The following TFB2M variants were observed in gnomAD, a reference collection of about 807,000 sequenced individuals.
TFB2M encodes dimethyladenosine transferase 2, mitochondrial.
TFB2M carries 44 observed loss-of-function variants against 41.3 expected under a neutral mutation model. The observed-to-expected ratio is 1.07, with a 90% CI of 0.84 to 1.37. The LOEUF is 1.37. Among genes scored for constraint, TFB2M ranks in the 40% most tolerant of loss-of-function variants. The pLI is 0.00. For synonymous variants in TFB2M, 188 were observed against 176.8 expected, an observed-to-expected ratio of 1.06 and a Z score of -0.50; for missense variants, 496 against 490.2, an observed-to-expected ratio of 1.01 and a Z score of -0.11.
intron 6 of TFB2M, among the ~76,000 whole-genome samples, chr1:246,545,775 GCACTC>G (rs1269231912): frequency 7.5e-6 from 1 of 134,112 alleles, no homozygotes; most frequent in Non-Finnish European, 1.5e-5. Context: ...TTACGCCATT[GCACTC>G]CAGCCCGGGT....
intron 2 of TFB2M, among the ~76,000 whole-genome samples, chr1:246,559,484 G>A (rs748097319): frequency 6.6e-6 from 1 of 152,160 alleles, no homozygotes; most frequent in Non-Finnish European, 1.5e-5. Context: ...AGGAGGCAGG[G>A]GTTGCAGAGA....
intron 2 of TFB2M, among the ~76,000 whole-genome samples, chr1:246,560,985 C>T (rs1659442151): frequency 6.6e-6 from 1 of 152,220 alleles, no homozygotes; most frequent in South Asian, 2.1e-4. Context: ...TGGTGGCGGT[C>T]ACCTGTAATC....
At chr1:246,548,513 A>T (rs1216870132) in intron 6 of TFB2M, 32 bp downstream of exon 6, 1 of 1,559,642 alleles carries the variant, frequency 6.4e-7, no homozygotes, top group Non-Finnish European at 8.7e-7. Flanking sequence ...TCACGTAGGG[A>T]GAAAAAGGAA....
chr1:246,546,985 T>TCACACACACACACACACACACACAC (rs1558509715), intron 6 of TFB2M, among the ~76,000 whole-genome samples: 3 of 64,568 alleles, frequency 4.6e-5, no homozygotes, highest in African/African-American at 2.8e-4. Context: ...ACACACACAT[T>TCACACACACACACACACACACACAC]TTTTTTTTTT....
chr1:246,541,075 A>C lies in TFB2M; in HGVS notation c.1147T>G (p.Cys383Gly), dbSNP rs762519417. 3.7e-6 allele frequency: 6 copies of C among 1,613,384 alleles called. No homozygotes were observed. The African/African-American group carries it at 5.3e-5, about 14-fold the overall frequency. The change falls in exon 8 of 8, where the codon TGT becomes GGT. Residue 383 changes from cysteine to glycine, a missense_variant. Cys to Gly is a radical substitution (Grantham distance 159, BLOSUM62 -3). Transcript: ENST00000366514. ...TCATCATACAGCCATTTATAAGCAC[A>C]ATCTTTGGAACGCTCTATAGTTTCA... ...LFETIERSKD[C>G]AYKWLYDETL...
rs1298493905 is a variant in TFB2M at position 246,541,129 on chromosome 1, T to C, written c.1093A>G (p.Met365Val). ...AGTGTTTTGAAGTCTTGAGGGTGCA[T>C]GTTAACTACTTTCTCATCCTCCTGT... Reference protein sequence around the residue: ...GKQEDEKVVNMHPQDFKTLFE... With the variant: ...GKQEDEKVVNVHPQDFKTLFE... Residue 365 changes from methionine to valine, a missense_variant, in exon 8 of 8, where the codon ATG becomes GTG. By Grantham distance (21) the Met-to-Val change is conservative. Coordinates refer to ENST00000366514, the MANE Select transcript of TFB2M (RefSeq NM_022366.3). 2 of 1,614,042 alleles carry C rather than the reference T, an allele frequency of 1.2e-6. No individual in the cohort carries two copies. The highest frequency in any genetic ancestry group is 1.7e-5 in the Admixed American group (1 of 60,006).
chr1:246,549,901 C>A (rs375102899), intron 5 of TFB2M, among the ~76,000 whole-genome samples: 1 of 152,110 alleles, frequency 6.6e-6, no homozygotes, highest in African/African-American at 2.4e-5. Context: ...ACTTCCCACA[C>A]GCCTGGTCGA....
At chr1:246,563,873 T>G (rs939144533) in intron 2 of TFB2M, among the ~76,000 whole-genome samples, 2 of 152,220 alleles carry the variant, frequency 1.3e-5, no homozygotes, top group African/African-American at 4.8e-5. Flanking sequence ...ATGAAAAAAT[T>G]TGAAATCCAA....
At position 246,549,310 on chromosome 1, in the gene TFB2M, A is replaced by G. The variant is rs78425976; in HGVS notation, c.796-703T>C. 4.7e-5 allele frequency among the ~76,000 whole-genome samples: 7 copies of G among 150,380 alleles called. No homozygotes were observed. The East Asian group carries it at 1.2e-3, about 25-fold the overall frequency. ...TTTAAGAGATGATCCGGTCAGGCAC[A>G]GTGGCTCATGCCTGTAATCCCAGCA... On this transcript the variant is annotated intron_variant, in intron 5 of 7. Coordinates refer to ENST00000366514, the MANE Select transcript of TFB2M (RefSeq NM_022366.3).
In TFB2M at chr1:246,564,442, A is replaced by C; in HGVS notation, c.314-8T>G. ...GAGTCAGGATTCCAGGACCTGGCACATTAACAGAACGAAAAGTTTATTTGT... is the reference window on the plus strand; with the variant it reads ...GAGTCAGGATTCCAGGACCTGGCACCTTAACAGAACGAAAAGTTTATTTGT... On this transcript the variant is annotated splice_polypyrimidine_tract_variant and splice_region_variant and intron_variant, in intron 1 of 7. Transcript: ENST00000366514. 6.2e-7 allele frequency: 1 copy of C among 1,612,734 alleles called. No homozygotes were observed. The highest frequency in any genetic ancestry group is 8.5e-7 in the Non-Finnish European group (1 of 1,179,092).
chr1:246,551,044 G>A (rs12133081), intron 5 of TFB2M, among the ~76,000 whole-genome samples, 169 bp downstream of exon 5: 2 of 152,210 alleles, frequency 1.3e-5, no homozygotes, highest in African/African-American at 4.8e-5. Flanking sequence ...GCATGGTGGC[G>A]CCTGGCTGTA....
Position 246,556,662 on chromosome 1 carries a change from T to C in TFB2M, c.616A>G (p.Lys206Glu), listed in dbSNP as rs761133996. 6.3e-7 allele frequency: 1 copy of C among 1,584,220 alleles called. No individual in the cohort carries two copies. The highest frequency in any genetic ancestry group is 1.4e-5 in the African/African-American group (1 of 73,150). The change falls in exon 4 of 8, where the codon AAA becomes GAA. Residue 206 changes from lysine to glutamate, a missense_variant. By Grantham distance (56) the Lys-to-Glu change is moderately conservative. Transcript: ENST00000366514. The stretch of plus-strand genomic sequence containing the variant: ...CAGGAATACAAGTCATATGCGAGTT[T>C]CCAAAGTGCCCTTTTCTCACCTCTA... ...PSRGEKRALW[K>E]LAYDLYSCTS...
chr1:246,566,004 A>G lies in TFB2M; in HGVS notation c.135T>C (p.Ser45=). The change falls in exon 1 of 8, where the codon TCT becomes TCC. Residue 45 remains serine, a synonymous_variant. Coordinates refer to ENST00000366514, the MANE Select transcript of TFB2M (RefSeq NM_022366.3). ...CGGGCCACAGCTGCGGAGAGGAGTC[A>G]GAGAGCCCACAGTGGTTCCTCGCCG... ...HLPARNHCGL[S]DSSPQLWPEP... is the part of the protein sequence containing the mutation. The G allele has an allele frequency of 3.1e-6, 5 of 1,614,218 alleles. No individual in the cohort carries two copies. The highest frequency in any genetic ancestry group is 4.2e-6 in the Non-Finnish European group (5 of 1,180,036).
At chr1:246,543,362 A>ATACAAATTACATGGATTTATG (rs1658913908) in intron 7 of TFB2M, among the ~76,000 whole-genome samples, 1 of 152,206 alleles carries the variant, frequency 6.6e-6, no homozygotes, top group Admixed American at 6.5e-5. Context: ...TCAGCCCTAC[A>ATACAAATTACATGGATTTATG]TACAAATTAC....
intron 2 of TFB2M, among the ~76,000 whole-genome samples, chr1:246,563,970 A>T (rs1469286642): frequency 1.3e-5 from 2 of 152,244 alleles, no homozygotes; most frequent in Non-Finnish European, 2.9e-5. Context: ...TATAGAGGTT[A>T]CACAGATCCA....
intron 6 of TFB2M, among the ~76,000 whole-genome samples, chr1:246,547,234 G>A (rs1438788959): frequency 2.6e-5 from 4 of 152,018 alleles, no homozygotes; most frequent in Admixed American, 1.3e-4. Flanking sequence ...CACCCACCTC[G>A]GCCTCCCAAA....
At chr1:246,554,451 A>C (rs1659266819) in intron 4 of TFB2M, among the ~76,000 whole-genome samples, 1 of 152,242 alleles carries the variant, frequency 6.6e-6, no homozygotes, top group South Asian at 2.1e-4. Context: ...CTCTCAGATC[A>C]GCAGCCGCCT....
intron 4 of TFB2M, 147 bp downstream of exon 4, chr1:246,556,426 C>A (rs1471998607): frequency 3.5e-6 from 2 of 567,902 alleles, no homozygotes; most frequent in African/African-American, 2.0e-5. Context: ...GAAAAAGCAA[C>A]CTGAGCATAA....
At chr1:246,558,206 G>A (rs536364529) in intron 2 of TFB2M, among the ~76,000 whole-genome samples, 2 of 150,784 alleles carry the variant, frequency 1.3e-5, no homozygotes, top group South Asian at 4.2e-4. Context: ...GAGTGCAGTG[G>A]CGCAATCCCA....
Sources: gnomAD v4.1 joint callset for allele counts (sites outside exome capture counted in the v4.1 genomes callset) on GRCh38, gnomAD v4.1.1 for gene constraint, MANE v1.5 for transcripts, NCBI Gene and HGNC (gene_info 2026-07-23, HGNC 2026-07-21) for gene names.